Variants in SLC25A12 observed in about 807,000 individuals in gnomAD.
SLC25A12 encodes electrogenic aspartate/glutamate antiporter SLC25A12, mitochondrial.
SLC25A12 carries 32 observed loss-of-function variants against 83.3 expected under a neutral mutation model. The observed-to-expected ratio is 0.38, with a 90% CI of 0.29 to 0.52. SLC25A12 has a LOEUF of 0.52. Among genes scored for constraint, SLC25A12 ranks in the 20% least tolerant of loss-of-function variants. The probability of loss-of-function intolerance (pLI) is 0.84; values close to 1 mark genes in which losing one functional copy is unlikely to be tolerated. For missense variants in SLC25A12, 611 were observed against 835.6 expected, an observed-to-expected ratio of 0.73 and a Z score of 3.31; for synonymous variants, 267 against 291.1, an observed-to-expected ratio of 0.92 and a Z score of 0.84.
intron 9 of SLC25A12, among the ~76,000 whole-genome samples, chr2:171,819,453 TTATTATA>T (rs1359347118): frequency 5.1e-3 from 232 of 45,412 alleles, no homozygotes; most frequent in Middle Eastern, 0.045. Context: ...TATATAATAC[TTATTATA>T]TATTATATAT....
rs568820552 is a variant in SLC25A12, at chr2:171,846,056, A to G, written c.326-1548T>C. Among the ~76,000 whole-genome samples the G allele has an allele frequency of 5.3e-5, 8 of 152,362 alleles. No individual in the cohort carries two copies. The East Asian group carries it at 1.5e-3, about 29-fold the overall frequency. On this transcript the variant is annotated intron_variant, in intron 4 of 17. Coordinates refer to ENST00000422440, the MANE Select transcript of SLC25A12 (RefSeq NM_003705.5). Reference sequence around the variant, plus strand: ...TGTTAAAGTTTACAAAACAATTAAAATAATAAAGATAGCAGAAAATATTTA... The same window carrying G: ...TGTTAAAGTTTACAAAACAATTAAAGTAATAAAGATAGCAGAAAATATTTA...
At chr2:171,858,443 C>T in intron 3 of SLC25A12, among the ~76,000 whole-genome samples, 1 of 152,092 alleles carries the variant, frequency 6.6e-6, no homozygotes, top group East Asian at 1.9e-4. Flanking sequence ...ATAAAAAATA[C>T]ACCTACCCTG....
chr2:171,848,081 G>A, intron 4 of SLC25A12: 2 of 435,018 alleles, frequency 4.6e-6, no homozygotes, highest in Middle Eastern at 7.0e-4. Context: ...AACCCATACT[G>A]TGTCTCCCCA....
chr2:171,844,442 T>G lies in SLC25A12; in HGVS notation c.392A>C (p.Glu131Ala), dbSNP rs1396012155. ...ATGCCCAAAATGCAGTCGGATAAAT[T>G]CACAATCCCAGTTAAAAGGGATATG... ...HHHIPFNWDC[E>A]FIRLHFGHNR... Residue 131 changes from glutamate (E) to alanine (A), a missense_variant, in exon 5 of 18, where the codon GAA becomes GCA. By Grantham distance (107) the Glu-to-Ala change is moderately radical. This residue lies in a region of SLC25A12 where 540 missense variants were observed against 777.5 expected (regional missense o/e 0.69). Coordinates refer to ENST00000422440, the MANE Select transcript of SLC25A12 (RefSeq NM_003705.5). 1 of 1,613,252 alleles carries G rather than the reference T, an allele frequency of 6.2e-7. No homozygotes were observed. Among genetic ancestry groups the G allele is most frequent in the African/African-American group, 1.3e-5 (1 of 74,912 alleles).
intron 2 of SLC25A12, among the ~76,000 whole-genome samples, chr2:171,886,230 C>CTTT (rs11428637): frequency 2.9e-4 from 36 of 122,552 alleles, no homozygotes; most frequent in Middle Eastern, 4.3e-3. Context: ...AATATAATAG[C>CTTT]TTTTTTTTTT....
intron 2 of SLC25A12, among the ~76,000 whole-genome samples, chr2:171,882,221 T>G (rs577706234): frequency 6.6e-6 from 1 of 152,246 alleles, no homozygotes; most frequent in Admixed American, 6.5e-5. Flanking sequence ...TTCTGGTAAC[T>G]GCATGCTAAT....
At chr2:171,832,616 T>C (rs906419229) in intron 8 of SLC25A12, among the ~76,000 whole-genome samples, 3 of 152,130 alleles carry the variant, frequency 2.0e-5, no homozygotes. Flanking sequence ...AAATGAGCCA[T>C]CCAACTCATA....
intron 3 of SLC25A12, among the ~76,000 whole-genome samples, chr2:171,864,088 T>A (rs1685229211): frequency 6.6e-6 from 1 of 152,224 alleles, no homozygotes; most frequent in Non-Finnish European, 1.5e-5. Context: ...AATAGCTACC[T>A]AAATTGATTC....
At chr2:171,818,111 G>A (rs1684092840) in intron 9 of SLC25A12, among the ~76,000 whole-genome samples, 1 of 152,226 alleles carries the variant, frequency 6.6e-6, no homozygotes, top group African/African-American at 2.4e-5. Context: ...GTAAATTAAT[G>A]TAATTAATGC....
intron 4 of SLC25A12, among the ~76,000 whole-genome samples, chr2:171,847,233 T>C (rs1684817235): frequency 6.6e-6 from 1 of 152,248 alleles, no homozygotes; most frequent in African/African-American, 2.4e-5. Context: ...ATTCTACTTC[T>C]CTTCTGTTAT....
Position 171,855,817 on chromosome 2 carries a change from T to A in SLC25A12, c.325+17A>T. On this transcript the variant is annotated intron_variant, in intron 4 of 17. Transcript: ENST00000422440. ...AGCATCATTAACTTATCACTTATAA[T>A]CTTCTTTTTCCCTTACCAAATGTCA... The A allele has an allele frequency of 7.2e-7, 1 of 1,388,486 alleles. No individual in the cohort carries two copies. Among genetic ancestry groups the A allele is most frequent in the Non-Finnish European group, 1.0e-6 (1 of 974,310 alleles). 86.0% of individuals were successfully genotyped at this position (1,388,486 alleles called of 1,614,324 possible). A position where few individuals can be genotyped will look rare whatever the true frequency, so the allele number is the denominator to read the frequency against.
chr2:171,785,017 A>G lies in SLC25A12; in HGVS notation c.*257T>C, dbSNP rs1265865796. 7 of 437,808 alleles carry G rather than the reference A, an allele frequency of 1.6e-5. No individual in the cohort carries two copies. The East Asian group carries it at 2.9e-4, about 18-fold the overall frequency. 27.1% of individuals were successfully genotyped at this position (437,808 alleles called of 1,614,324 possible). A position where few individuals can be genotyped will look rare whatever the true frequency, so the allele number is the denominator to read the frequency against. On this transcript the variant is annotated 3_prime_UTR_variant, in exon 18 of 18. Coordinates refer to ENST00000422440, the MANE Select transcript of SLC25A12 (RefSeq NM_003705.5). ...ACTGTAAGTGCAAGCTGTGCAAAGC[A>G]GAGTCTAGAACACTAATTCATGCCA...
At chr2:171,794,206 G>A (rs1489226119) in intron 13 of SLC25A12, among the ~76,000 whole-genome samples, 1 of 152,158 alleles carries the variant, frequency 6.6e-6, no homozygotes, top group African/African-American at 2.4e-5. Context: ...TCCTCTTTGT[G>A]GTAAGCGTTC....
At chr2:171,858,710 T>C (rs548928156) in intron 3 of SLC25A12, among the ~76,000 whole-genome samples, 1 of 152,338 alleles carries the variant, frequency 6.6e-6, no homozygotes, top group South Asian at 2.1e-4. Context: ...AAACTGCAAG[T>C]GTGAACAACA....
At chr2:171,788,494 A>G (rs991797933) in intron 15 of SLC25A12, 2 of 160,072 alleles carry the variant, frequency 1.2e-5, no homozygotes, top group African/African-American at 4.8e-5. Context: ...TTACATGACA[A>G]AAGTCATTAC....
chr2:171,824,946 G>A (rs1684270376), intron 9 of SLC25A12, among the ~76,000 whole-genome samples: 1 of 151,946 alleles, frequency 6.6e-6, no homozygotes, highest in Non-Finnish European at 1.5e-5. Context: ...TAGGACTACA[G>A]GCACACGCCA....
chr2:171,891,278 G>A (rs1434715499), intron 2 of SLC25A12, among the ~76,000 whole-genome samples: 26 of 151,206 alleles, frequency 1.7e-4, no homozygotes, highest in Admixed American at 1.6e-3. Context: ...CAGCCTGGGC[G>A]ACAGAGCGAG....
At chr2:171,834,278 T>G (rs1276699858) in intron 7 of SLC25A12, 1 of 513,534 alleles carries the variant, frequency 1.9e-6, no homozygotes, top group African/African-American at 1.9e-5. Context: ...GCAAAACAGA[T>G]GAATTAACTT....
intron 8 of SLC25A12, among the ~76,000 whole-genome samples, chr2:171,828,781 T>C (rs920448615): frequency 2.6e-5 from 4 of 152,246 alleles, no homozygotes; most frequent in Non-Finnish European, 5.9e-5. Context: ...CAGGAAACCA[T>C]GGCCTTATCA....
Sources: gnomAD v4.1 joint callset for allele counts (sites outside exome capture counted in the v4.1 genomes callset) on GRCh38, gnomAD v4.1.1 for gene constraint, gnomAD v4.1.1 regional missense constraint, MANE v1.5 for transcripts, NCBI Gene and HGNC (gene_info 2026-07-23, HGNC 2026-07-21) for gene names.